Variants in TMEM266 observed in about 807,000 individuals in gnomAD.
The protein encoded by TMEM266 is transmembrane protein 266, also known as Hv1 related protein 1.
Under a neutral mutation model 50.5 loss-of-function variants are expected in TMEM266, and 33 were observed. The observed-to-expected ratio is 0.65, with a 90% CI of 0.50 to 0.87. TMEM266 has a LOEUF of 0.87. TMEM266 is among the 40% of genes least tolerant of loss of function. The probability of loss-of-function intolerance (pLI) is 0.00; values close to 1 mark genes in which losing one functional copy is unlikely to be tolerated. For missense variants in TMEM266, 655 were observed against 695.1 expected, an observed-to-expected ratio of 0.94 and a Z score of 0.65; for synonymous variants, 310 against 292.3, an observed-to-expected ratio of 1.06 and a Z score of -0.62.
chr15:76,189,169 C>T (rs1368500936), intron 8 of TMEM266, among the ~76,000 whole-genome samples: 3 of 151,564 alleles, frequency 2.0e-5, no homozygotes, highest in Non-Finnish European at 4.4e-5. Flanking sequence ...TTTAGTGTGG[C>T]AGACAGAGTA....
intron 2 of TMEM266, among the ~76,000 whole-genome samples, chr15:76,135,686 T>C (rs1346129803): frequency 6.6e-6 from 1 of 152,234 alleles, no homozygotes; most frequent in African/African-American, 2.4e-5. Flanking sequence ...TTTAAAGATC[T>C]TGAGTCATTT....
At chr15:76,203,577 G>A (rs1245240552) in intron 10 of TMEM266, among the ~76,000 whole-genome samples, 164 bp from the exon 11 acceptor site, 4 of 152,194 alleles carry the variant, frequency 2.6e-5, no homozygotes, top group African/African-American at 9.7e-5. Flanking sequence ...CAGTGATGTT[G>A]GAGAACTGGG....
intron 3 of TMEM266, among the ~76,000 whole-genome samples, chr15:76,150,465 G>A (rs748401268): frequency 4.6e-5 from 7 of 152,218 alleles, no homozygotes; most frequent in African/African-American, 7.2e-5. Context: ...GGCTGATGCC[G>A]TGACTCTCCA....
chr15:76,172,166 G>GTTGGT (rs1039686246), intron 7 of TMEM266, among the ~76,000 whole-genome samples: 23 of 152,296 alleles, frequency 1.5e-4, no homozygotes, highest in Non-Finnish European at 2.4e-4. Flanking sequence ...AGGATGTTTT[G>GTTGGT]TTGGTTTGGT....
At chr15:76,175,496 G>A (rs779296266) in intron 7 of TMEM266, 63 bp from the exon 8 acceptor site, 70 of 1,331,790 alleles carry the variant, frequency 5.3e-5, no homozygotes, top group Non-Finnish European at 6.9e-5. Context: ...TGCTGGGCCC[G>A]CCCTTCCCTA....
chr15:76,200,536 C>T (rs1023495442), intron 9 of TMEM266, among the ~76,000 whole-genome samples: 2 of 152,206 alleles, frequency 1.3e-5, no homozygotes, highest in African/African-American at 4.8e-5. Flanking sequence ...GTTAAGGTTT[C>T]GCTGCTCTGT....
chr15:76,148,922 G>A (rs911091552), intron 3 of TMEM266, among the ~76,000 whole-genome samples: 2 of 152,144 alleles, frequency 1.3e-5, no homozygotes, highest in African/African-American at 2.4e-5. Flanking sequence ...TGAAGCTGCC[G>A]GTATGGAAAC....
At chr15:76,191,904 G>A (rs2038578112) in intron 8 of TMEM266, 64 bp from the exon 9 acceptor site, 3 of 1,452,142 alleles carry the variant, frequency 2.1e-6, no homozygotes, top group African/African-American at 3.0e-5. Flanking sequence ...GCGCCCAGAG[G>A]TCAGGCTGGA....
At chr15:76,164,446 G>A (rs898771447) in intron 5 of TMEM266, among the ~76,000 whole-genome samples, 2 of 152,140 alleles carry the variant, frequency 1.3e-5, no homozygotes, top group Non-Finnish European at 2.9e-5. Context: ...GAGCTCAAGT[G>A]ATCCTCCCTA....
At chr15:76,130,616 C>T (rs1032894123) in intron 1 of TMEM266, among the ~76,000 whole-genome samples, 1 of 152,174 alleles carries the variant, frequency 6.6e-6, no homozygotes, top group African/African-American at 2.4e-5. Context: ...CCTCGTTATC[C>T]TTAGAACTAC....
At chr15:76,150,277 C>T (rs2037818006) in intron 3 of TMEM266, among the ~76,000 whole-genome samples, 1 of 152,210 alleles carries the variant, frequency 6.6e-6, no homozygotes, top group African/African-American at 2.4e-5. Context: ...TTCCTGAAGG[C>T]AGAGTGACAG....
intron 1 of TMEM266, among the ~76,000 whole-genome samples, chr15:76,070,522 CAG>C (rs1222689374): frequency 6.6e-6 from 1 of 152,140 alleles, no homozygotes; most frequent in Non-Finnish European, 1.5e-5. Context: ...GGCACTTCTG[CAG>C]AGTCATAAGG....
Position 76,204,054 on chromosome 15 carries a change from C to T in TMEM266, c.1335C>T (p.Ser445=), listed in dbSNP as rs774716752. ...AGGCCACAGTCCAGGACCTGCTGTC[C>T]TCCCTGTCGGAGGACCCCTGCCCTT... is the stretch of plus-strand genomic sequence containing the variant. The change falls in exon 11 of 11, where the codon TCC becomes TCT. Residue 445 remains serine (S), a synonymous_variant. Transcript: ENST00000388942. The T allele has an allele frequency of 2.5e-6, 4 of 1,612,316 alleles. No homozygotes were observed. The highest frequency in any genetic ancestry group is 2.2e-5 in the South Asian group (2 of 91,048).
intron 1 of TMEM266, among the ~76,000 whole-genome samples, chr15:76,078,197 C>T (rs2036632263): frequency 6.6e-6 from 1 of 152,030 alleles, no homozygotes; most frequent in African/African-American, 2.4e-5. Context: ...CTGGAAGGGT[C>T]ACTGGGCTTC....
intron 1 of TMEM266, chr15:76,114,233 C>G (rs2037214836): frequency 6.6e-6 from 1 of 152,140 alleles, no homozygotes; most frequent in African/African-American, 2.4e-5. Context: ...AGATATCTTT[C>G]TATAGGCCAG....
rs74024097 is a variant in TMEM266, at chr15:76,168,838, C to T, written c.457-978C>T. On this transcript the variant is annotated intron_variant, in intron 5 of 10. Coordinates refer to ENST00000388942, the MANE Select transcript of TMEM266 (RefSeq NM_152335.3). This position sits in a 1 kb window ranked among gnomAD's most constrained non-coding sequence, Gnocchi z 4.4. ...ACCATAGGAACACCCAGGAAGGAGG[C>T]ACCAGCTGAGCCGGGGAGTGTGCAA... is the stretch of plus-strand genomic sequence containing the variant. Among the ~76,000 whole-genome samples the T allele has an allele frequency of 0.046, 7,010 of 152,234 alleles. 350 individuals carry two copies. The highest frequency in any genetic ancestry group is 0.13 in the African/African-American group (5,253 of 41,494).
chr15:76,151,363 G>T (rs2037840463), intron 3 of TMEM266, among the ~76,000 whole-genome samples: 1 of 152,166 alleles, frequency 6.6e-6, no homozygotes, highest in Non-Finnish European at 1.5e-5. Flanking sequence ...CGAGTCATCT[G>T]AATTTCAGAT....
chr15:76,092,921 C>T (rs1264006134), intron 1 of TMEM266, among the ~76,000 whole-genome samples: 1 of 149,670 alleles, frequency 6.7e-6, no homozygotes, highest in African/African-American at 2.4e-5. Context: ...GATTCTCCTG[C>T]CTCAGTCTCC....
chr15:76,103,776 A>G (rs1294141396), intron 1 of TMEM266, among the ~76,000 whole-genome samples: 1 of 151,064 alleles, frequency 6.6e-6, no homozygotes, highest in African/African-American at 2.4e-5. Flanking sequence ...GCTGGGCATG[A>G]TGGTGCACAC....
Sources: allele counts gnomAD v4.1 joint callset (sites outside exome capture counted in the v4.1 genomes callset), GRCh38; gene constraint gnomAD v4.1.1; non-coding constraint Gnocchi (gnomAD v3.1); transcripts MANE v1.5; gene names NCBI Gene and HGNC (gene_info 2026-07-23, HGNC 2026-07-21).